The following RNF149 variants were observed in gnomAD, a reference collection of about 807,000 sequenced individuals.
RNF149 encodes the protein ring finger protein 149.
A neutral mutation model predicts 39.0 loss-of-function variants in RNF149; 21 were observed. The observed-to-expected ratio is 0.54, with a 90% CI of 0.38 to 0.77. RNF149 has a LOEUF of 0.77. Among genes scored for constraint, RNF149 ranks in the 30% least tolerant of loss-of-function variants. The pLI is 0.00. For synonymous variants in RNF149, 209 were observed against 213.6 expected (o/e 0.98, Z 0.19); for missense variants, 493 against 534.9 (o/e 0.92, Z 0.77).
intron 1 of RNF149, among the ~76,000 whole-genome samples, chr2:101,304,488 A>G (rs1683581816): frequency 6.6e-6 from 1 of 152,114 alleles, no homozygotes. Context: ...TCCAAACCAT[A>G]TTGTCTGGAA....
At chr2:101,308,105 G>A in intron 1 of RNF149, 24 bp downstream of exon 1, 2 of 1,602,076 alleles carry the variant, frequency 1.2e-6, no homozygotes, top group Non-Finnish European at 8.5e-7. Flanking sequence ...TCCCCCTCCC[G>A]TCCTCGCGCC....
intron 1 of RNF149, among the ~76,000 whole-genome samples, chr2:101,304,601 C>T (rs573684367): frequency 6.6e-6 from 1 of 152,168 alleles, no homozygotes; most frequent in East Asian, 1.9e-4. Context: ...AATACTTAAC[C>T]CAAAGTGGCT....
intron 6 of RNF149, among the ~76,000 whole-genome samples, chr2:101,277,574 A>C (rs2104384079): frequency 6.6e-6 from 1 of 152,252 alleles, no homozygotes; most frequent in Middle Eastern, 3.4e-3. Flanking sequence ...TTTTTAGTAG[A>C]GATGAGGTTT....
chr2:101,284,205 C>G (rs564869695), intron 5 of RNF149, among the ~76,000 whole-genome samples: 4 of 152,340 alleles, frequency 2.6e-5, no homozygotes, highest in Admixed American at 2.6e-4. Context: ...GTCTCAGTTT[C>G]TAGTCAGACA....
chr2:101,277,398 AT>A lies in RNF149; in HGVS notation c.1160-118del, dbSNP rs575355464. The stretch of plus-strand genomic sequence containing the variant: ...TTCAAGATGGTAAACAGAAAAAAAA[AT>A]TTTTTTTGAGACGGAGTCTTGTTCT... On this transcript the variant is annotated intron_variant, in intron 6 of 6. Transcript: ENST00000295317. 262 of 1,376,330 alleles carry A rather than the reference AT, an allele frequency of 1.9e-4. 1 individual carries two copies. Among genetic ancestry groups the A allele is most frequent in the Middle Eastern group, 1.2e-3 (6 of 5,146 alleles). 85.3% of individuals were successfully genotyped at this position (1,376,330 alleles called of 1,614,324 possible).
intron 3 of RNF149, among the ~76,000 whole-genome samples, chr2:101,293,092 G>A (rs1683083859): frequency 6.7e-6 from 1 of 149,250 alleles, no homozygotes; most frequent in Non-Finnish European, 1.5e-5. Flanking sequence ...AGGAATGGTA[G>A]CCACCAATAC....
At position 101,294,199 on chromosome 2, in the gene RNF149, A is replaced by T; in HGVS notation, c.712-117T>A. Reference sequence around the variant, plus strand: ...ACAGAAAACATTTCATTTGAAAGGCAAAGTCAAATGACTATACTGAAAATA... The same window carrying T: ...ACAGAAAACATTTCATTTGAAAGGCTAAGTCAAATGACTATACTGAAAATA... On this transcript the variant is annotated intron_variant, in intron 2 of 6. Transcript: ENST00000295317. The T allele has an allele frequency of 6.4e-6, 4 of 629,024 alleles. No homozygotes were observed. In the South Asian group the frequency reaches 8.0e-5, roughly 13 times the overall value. The allele number at this position is 629,024 out of a possible 1,614,324, so 39.0% of individuals were successfully genotyped here. A position where few individuals can be genotyped will look rare whatever the true frequency, so the allele number is the denominator to read the frequency against.
intron 3 of RNF149, among the ~76,000 whole-genome samples, chr2:101,290,812 GA>G (rs954999564): frequency 1.6e-4 from 25 of 152,276 alleles, no homozygotes; most frequent in Non-Finnish European, 3.5e-4. Context: ...CCACTTCTAA[GA>G]ATCTATGGGT....
At chr2:101,283,306 G>A (rs989761580) in intron 5 of RNF149, among the ~76,000 whole-genome samples, 2 of 152,194 alleles carry the variant, frequency 1.3e-5, no homozygotes, top group East Asian at 1.9e-4. Context: ...GAGCCCATGA[G>A]GGGAGGGGCT....
At chr2:101,275,473 G>T (rs1352260683), downstream of RNF149, among the ~76,000 whole-genome samples, 1 of 91,986 alleles carries the variant, frequency 1.1e-5, no homozygotes, top group Non-Finnish European at 1.9e-5. Context: ...ACGGAGTCTC[G>T]CTCTGTCGCC....
At chr2:101,307,153 G>A (rs1683696449) in intron 1 of RNF149, among the ~76,000 whole-genome samples, 1 of 152,202 alleles carries the variant, frequency 6.6e-6, no homozygotes, top group Admixed American at 6.5e-5. Flanking sequence ...GGAATGGTAT[G>A]TGTAGGAAGG....
At chr2:101,290,262 A>C (rs1281565614) in intron 3 of RNF149, among the ~76,000 whole-genome samples, 1 of 152,254 alleles carries the variant, frequency 6.6e-6, no homozygotes, top group Non-Finnish European at 1.5e-5. Flanking sequence ...TTTATCATAC[A>C]CAGGGCAAGA....
At chr2:101,290,644 G>T (rs1246810353) in intron 3 of RNF149, among the ~76,000 whole-genome samples, 2 of 152,176 alleles carry the variant, frequency 1.3e-5, no homozygotes, top group African/African-American at 4.8e-5. Flanking sequence ...ACTCACAAAT[G>T]AGAAAATGTA....
chr2:101,308,164 C>A lies in RNF149; in HGVS notation c.425G>T (p.Arg142Leu), dbSNP rs781441802. ...ASAVVLYNEE[R>L]YGNITLPMSH... ...CATGGGCAAGGTGATGTTCCCGTAG[C>A]GCTCCTCATTGTAGAGGACGACGGC... Residue 142 changes from arginine to leucine, a missense_variant, in exon 1 of 7, where the codon CGC (arginine) becomes CTC (leucine). Transcript: ENST00000295317. The A allele has an allele frequency of 1.2e-6, 2 of 1,610,322 alleles. No individual in the cohort carries two copies. The highest frequency in any genetic ancestry group is 1.7e-6 in the Non-Finnish European group (2 of 1,179,264).
chr2:101,308,270 C>T lies in RNF149; in HGVS notation c.319G>A (p.Ala107Thr). ...CGAGCCACCAGGGCGACCCAGGGCG[C>T]GGCCCCTCGGCCGCCGGGCTCGGGC... ...FVPEPGGRGA[A>T]PWVALVARGG... Residue 107 changes from alanine to threonine, a missense_variant, in exon 1 of 7, where the codon GCG becomes ACG. Coordinates refer to ENST00000295317, the MANE Select transcript of RNF149 (RefSeq NM_173647.4). 6.3e-7 allele frequency: 1 copy of T among 1,577,196 alleles called. No homozygotes were observed. The highest frequency in any genetic ancestry group is 8.6e-7 in the Non-Finnish European group (1 of 1,163,844).
In RNF149 at chr2:101,277,125, AAAAT is replaced by A. The variant is rs1476005547; in HGVS notation, c.*109_*112del. 3 of 1,477,836 alleles carry A rather than the reference AAAAT, an allele frequency of 2.0e-6. No individual in the cohort carries two copies. The highest frequency in any genetic ancestry group is 2.7e-6 in the Non-Finnish European group (3 of 1,095,456). 91.5% of individuals were successfully genotyped at this position (1,477,836 alleles called of 1,614,324 possible). On this transcript the variant is annotated 3_prime_UTR_variant, in exon 7 of 7. Coordinates refer to ENST00000295317, the MANE Select transcript of RNF149 (RefSeq NM_173647.4). ...TATATCAAATCAGAATCTAATAGGTAAAATAATATACATTATTTTCAAATATACA... is the reference window on the plus strand; with the variant it reads ...TATATCAAATCAGAATCTAATAGGTAAATATACATTATTTTCAAATATACA...
In RNF149 at chr2:101,294,055, T is replaced by C. The variant is rs529934469; in HGVS notation, c.739A>G (p.Ile247Val). The C allele has an allele frequency of 2.4e-5, 38 of 1,583,598 alleles. No individual in the cohort carries two copies. In the African/African-American group the frequency reaches 4.3e-4, roughly 18 times the overall value. ...ACAGTATGAAGTAGAAGCTGGCCAA[T>C]AACTTTCTTAGTTTCTTTTCTATGG... ...QSHRKETKKV[I>V]GQLLLHTVKH... is the part of the protein sequence containing the mutation. Residue 247 changes from isoleucine (I) to valine (V), a missense_variant, in exon 3 of 7, where the codon ATT (isoleucine) becomes GTT (valine). Transcript: ENST00000295317.
At chr2:101,287,926 A>T (rs773911179) in intron 4 of RNF149, among the ~76,000 whole-genome samples, 86 of 152,324 alleles carry the variant, frequency 5.6e-4, no homozygotes, top group Non-Finnish European at 1.1e-3. Flanking sequence ...CAGACTTAAA[A>T]CATACAATTT....
chr2:101,285,052 A>G (rs1462096364), intron 5 of RNF149, among the ~76,000 whole-genome samples: 1 of 151,916 alleles, frequency 6.6e-6, no homozygotes, highest in Non-Finnish European at 1.5e-5. Context: ...GTGCCATCAT[A>G]TCCGGCTAAT....
Sources: gnomAD v4.1 joint callset for allele counts (sites outside exome capture counted in the v4.1 genomes callset) on GRCh38, gnomAD v4.1.1 for gene constraint, MANE v1.5 for transcripts, NCBI Gene and HGNC (gene_info 2026-07-23, HGNC 2026-07-21) for gene names.